The following FBXW11 variants were observed in gnomAD, a reference collection of about 807,000 sequenced individuals.
FBXW11 encodes F-box and WD repeat domain containing 11.
In FBXW11, 19 loss-of-function variants were observed where a neutral mutation model predicts 77.6. The observed-to-expected ratio is 0.24, with a 90% CI of 0.17 to 0.36. The LOEUF is 0.36. Ranked by LOEUF, FBXW11 falls within the 10% of genes least tolerant of loss-of-function variation. The probability of loss-of-function intolerance (pLI) is 1.00; values close to 1 mark genes in which losing one functional copy is unlikely to be tolerated. For missense variants in FBXW11, 334 were observed against 704.2 expected (o/e 0.47, Z 5.95); for synonymous variants, 235 against 249.4 (o/e 0.94, Z 0.54).
rs1433068436 is a variant in FBXW11 at position 171,876,486 on chromosome 5, G to A, written c.1020C>T (p.His340=). 2 of 1,614,062 alleles carry A rather than the reference G, an allele frequency of 1.2e-6. No homozygotes were observed. Among genetic ancestry groups the A allele is most frequent in the African/African-American group, 2.7e-5 (2 of 74,912 alleles). ...TGEVLNTLIH[H]NEAVLHLRFS... is the part of the protein sequence containing the mutation. ...AGCGTAAGTGCAATACAGCCTCATT[G>A]TGGTGGATCAATGTGTTAAGAACTT... is the stretch of plus-strand genomic sequence containing the variant. The change falls in exon 9 of 14, where the codon CAC becomes CAT. Residue 340 remains histidine, a synonymous_variant. Coordinates refer to ENST00000517395, the MANE Select transcript of FBXW11 (RefSeq NM_001378974.1). The surrounding 1 kb of genome is among the most constrained non-coding windows in gnomAD (Gnocchi z 4.2).
At chr5:171,956,973 C>T (rs993204530) in intron 2 of FBXW11, among the ~76,000 whole-genome samples, 2 of 152,188 alleles carry the variant, frequency 1.3e-5, no homozygotes, top group African/African-American at 4.8e-5. Flanking sequence ...CATCCACCCC[C>T]AAAAAGTTTT....
chr5:171,992,566 G>A (rs1765806117), intron 1 of FBXW11, among the ~76,000 whole-genome samples: 1 of 150,894 alleles, frequency 6.6e-6, no homozygotes, highest in Admixed American at 6.6e-5. Context: ...GAGAGGAGAG[G>A]GTAGTAATAA....
chr5:171,916,669 A>ACT (rs1243268324), intron 2 of FBXW11, among the ~76,000 whole-genome samples: 1 of 152,170 alleles, frequency 6.6e-6, no homozygotes, highest in East Asian at 1.9e-4. Flanking sequence ...GGGAGCAGTG[A>ACT]CTCAGTACAG....
At chr5:171,938,161 T>C (rs1036035654) in intron 2 of FBXW11, among the ~76,000 whole-genome samples, 4 of 152,194 alleles carry the variant, frequency 2.6e-5, no homozygotes, top group African/African-American at 9.7e-5. Context: ...AGACTCAAGT[T>C]ATCCTCCCAC....
At chr5:171,971,517 T>A (rs1408587087) in intron 1 of FBXW11, among the ~76,000 whole-genome samples, 11 of 152,200 alleles carry the variant, frequency 7.2e-5, no homozygotes, top group Admixed American at 1.3e-4. Context: ...TTTTTAATCT[T>A]CCTACACTGT....
chr5:171,887,804 C>T (rs150501678), intron 7 of FBXW11, among the ~76,000 whole-genome samples: 6 of 151,810 alleles, frequency 4.0e-5, no homozygotes, highest in African/African-American at 7.3e-5. Flanking sequence ...ATTACAGGTG[C>T]CCACCACCAC....
chr5:171,923,278 A>C (rs1053908537), intron 2 of FBXW11, among the ~76,000 whole-genome samples: 33 of 152,176 alleles, frequency 2.2e-4, no homozygotes, highest in African/African-American at 7.0e-4. Context: ...GAAATTCTAT[A>C]TATATTCTAG....
intron 2 of FBXW11, among the ~76,000 whole-genome samples, chr5:171,938,753 A>G (rs1405159879): frequency 6.6e-6 from 1 of 152,238 alleles, no homozygotes; most frequent in Non-Finnish European, 1.5e-5. Context: ...GAAACAACCT[A>G]CATGCTCATA....
chr5:171,866,620 T>A (rs1757411101), intron 13 of FBXW11, among the ~76,000 whole-genome samples: 1 of 152,210 alleles, frequency 6.6e-6, no homozygotes, highest in Non-Finnish European at 1.5e-5. Flanking sequence ...TATATAGATG[T>A]TGTCAGTTCA....
At chr5:171,878,232 G>A in intron 7 of FBXW11, 103 bp from the exon 8 acceptor site, 4 of 775,750 alleles carry the variant, frequency 5.2e-6, no homozygotes, top group South Asian at 1.8e-5. Context: ...AACACACTTG[G>A]GTTACAGTAA....
chr5:171,943,764 T>C (rs773320543), intron 2 of FBXW11, among the ~76,000 whole-genome samples: 2 of 152,166 alleles, frequency 1.3e-5, no homozygotes, highest in South Asian at 2.1e-4. Context: ...CTTGTTTTAG[T>C]AGGCCATGCC....
rs575279369 is a variant in FBXW11, at chr5:172,000,666, T to C, written c.45+5792A>G. ...TGGGGAAAGTTAGTATGGTCAGCATTTGAAGAAAAGCAAGCCTCTGCAAAG... is the reference window on the plus strand; with the variant it reads ...TGGGGAAAGTTAGTATGGTCAGCATCTGAAGAAAAGCAAGCCTCTGCAAAG... On this transcript the variant is annotated intron_variant, in intron 1 of 13. Transcript: ENST00000517395. Among the ~76,000 whole-genome samples, 6 of 152,306 alleles carry C rather than the reference T, an allele frequency of 3.9e-5. No individual in the cohort carries two copies. In the Middle Eastern group the frequency reaches 0.01, roughly 261 times the overall value.
At chr5:171,932,129 C>G (rs1428860155) in intron 2 of FBXW11, among the ~76,000 whole-genome samples, 1 of 152,036 alleles carries the variant, frequency 6.6e-6, no homozygotes, top group East Asian at 1.9e-4. Context: ...TCTGCCTCAG[C>G]CTCCCAAAGT....
At chr5:171,898,694 G>T (rs1264527834) in intron 6 of FBXW11, among the ~76,000 whole-genome samples, 2 of 151,934 alleles carry the variant, frequency 1.3e-5, no homozygotes, top group Non-Finnish European at 2.9e-5. Context: ...AAAAAAACGG[G>T]GCCTTGGATT....
At chr5:171,997,650 A>C (rs922074892) in intron 1 of FBXW11, among the ~76,000 whole-genome samples, 4 of 152,320 alleles carry the variant, frequency 2.6e-5, no homozygotes, top group Middle Eastern at 6.8e-3. Flanking sequence ...TACAATGGCC[A>C]ATGATCACGT....
chr5:172,006,424 C>CGGAA (rs1480797839), intron 1 of FBXW11, 34 bp downstream of exon 1: 3 of 1,526,074 alleles, frequency 2.0e-6, no homozygotes, highest in African/African-American at 2.9e-5. Flanking sequence ...GCCGGACGGA[C>CGGAA]GGAAGCACAG....
At chr5:171,922,880 T>G (rs1193260761) in intron 2 of FBXW11, among the ~76,000 whole-genome samples, 1 of 152,146 alleles carries the variant, frequency 6.6e-6, no homozygotes, top group African/African-American at 2.4e-5. Flanking sequence ...TTTTTCTTCT[T>G]TTTGTCATCA....
At position 171,950,675 on chromosome 5, in the gene FBXW11, C is replaced by T. The variant is rs1763263180; in HGVS notation, c.147+6922G>A. Among the ~76,000 whole-genome samples the T allele has an allele frequency of 3.3e-5, 5 of 152,138 alleles. No homozygotes were observed. The South Asian group carries it at 1.0e-3, about 32-fold the overall frequency. On this transcript the variant is annotated intron_variant, in intron 2 of 13. Transcript: ENST00000517395. ...CTGAGGCGGGCAGACCACCTGAGGT[C>T]AGGAGTTCGAGAACAGCCTGGCCAA...
chr5:171,939,030 T>C (rs1762614501), intron 2 of FBXW11, among the ~76,000 whole-genome samples: 1 of 150,566 alleles, frequency 6.6e-6, no homozygotes, highest in Non-Finnish European at 1.5e-5. Flanking sequence ...GGTCAGGAGT[T>C]TAAGACCAGC....
Sources: gnomAD v4.1 joint callset for allele counts (sites outside exome capture counted in the v4.1 genomes callset) on GRCh38, gnomAD v4.1.1 for gene constraint, Gnocchi (gnomAD v3.1) non-coding constraint, MANE v1.5 for transcripts, NCBI Gene and HGNC (gene_info 2026-07-23, HGNC 2026-07-21) for gene names.